NECAB1: variants seen among roughly 807,000 people sequenced by gnomAD.
NECAB1 encodes N-terminal EF-hand calcium binding protein 1, also known as N-terminal EF-hand calcium-binding protein 1.
Under a neutral mutation model 57.5 loss-of-function variants are expected in NECAB1, and 29 were observed. The observed-to-expected ratio is 0.50, with a 90% CI of 0.38 to 0.69. NECAB1 has a LOEUF of 0.69. Among genes scored for constraint, NECAB1 ranks in the 30% least tolerant of loss-of-function variants. NECAB1 has a pLI of 0.00. For synonymous variants in NECAB1, 142 were observed against 147.7 expected (o/e 0.96, Z 0.28); for missense variants, 372 against 413.8 (o/e 0.90, Z 0.88).
intron 3 of NECAB1, among the ~76,000 whole-genome samples, chr8:90,837,294 A>G (rs1490912808): frequency 1.3e-5 from 2 of 152,222 alleles, no homozygotes; most frequent in Non-Finnish European, 1.5e-5. Flanking sequence ...GTGGATGCTT[A>G]AAACTCCAGA....
chr8:90,943,450 T>C (rs1011231460), intron 10 of NECAB1, among the ~76,000 whole-genome samples: 1 of 152,214 alleles, frequency 6.6e-6, no homozygotes, highest in East Asian at 1.9e-4. Flanking sequence ...CCATATGGAA[T>C]ATATATGGTA....
chr8:90,796,754 G>C (rs1438887402), intron 1 of NECAB1, among the ~76,000 whole-genome samples: 3 of 152,138 alleles, frequency 2.0e-5, no homozygotes, highest in African/African-American at 7.2e-5. Flanking sequence ...TAATGAACTT[G>C]ATTCTCATCC....
chr8:90,947,228 A>G (rs748619001), intron 10 of NECAB1, among the ~76,000 whole-genome samples: 23 of 150,972 alleles, frequency 1.5e-4, no homozygotes, highest in Non-Finnish European at 2.7e-4. Flanking sequence ...CTTAGACACC[A>G]TTAAGGCTTA....
At chr8:90,807,840 A>G (rs1410736809) in intron 2 of NECAB1, among the ~76,000 whole-genome samples, 1 of 152,234 alleles carries the variant, frequency 6.6e-6, no homozygotes, top group African/African-American at 2.4e-5. Context: ...CGAAAGTCAA[A>G]GCAAAGTCTA....
At chr8:90,939,147 G>A (rs1261826002) in intron 9 of NECAB1, among the ~76,000 whole-genome samples, 1 of 152,202 alleles carries the variant, frequency 6.6e-6, no homozygotes, top group Non-Finnish European at 1.5e-5. Flanking sequence ...TTGACTAGCT[G>A]CAAAAGGAGC....
intron 4 of NECAB1, 84 bp downstream of exon 4, chr8:90,872,237 A>C: frequency 9.1e-7 from 1 of 1,104,520 alleles, no homozygotes; most frequent in Non-Finnish European, 1.3e-6. Context: ...CAACCTTGGA[A>C]TTAATGTTGT....
At chr8:90,949,500 T>C (rs895838350) in intron 10 of NECAB1, among the ~76,000 whole-genome samples, 4 of 152,172 alleles carry the variant, frequency 2.6e-5, no homozygotes, top group African/African-American at 9.7e-5. Context: ...TAAACCTTTT[T>C]GAATGAATGA....
chr8:90,823,300 T>A (rs1327644509), intron 2 of NECAB1, among the ~76,000 whole-genome samples: 1 of 151,902 alleles, frequency 6.6e-6, no homozygotes, highest in Non-Finnish European at 1.5e-5. Context: ...GAAAATTAGA[T>A]TATTGTGCCT....
chr8:90,838,382 G>A (rs980922041), intron 3 of NECAB1, among the ~76,000 whole-genome samples: 7 of 152,176 alleles, frequency 4.6e-5, no homozygotes, highest in African/African-American at 1.2e-4. Flanking sequence ...TGAAATAAGT[G>A]TGAGCTATAT....
chr8:90,832,374 C>T (rs1036973873), intron 3 of NECAB1, among the ~76,000 whole-genome samples: 1 of 151,940 alleles, frequency 6.6e-6, no homozygotes, highest in Non-Finnish European at 1.5e-5. Flanking sequence ...CCAAATTCTG[C>T]CTCATAATTA....
At chr8:90,810,217 A>G (rs1377066272) in intron 2 of NECAB1, among the ~76,000 whole-genome samples, 3 of 152,202 alleles carry the variant, frequency 2.0e-5, no homozygotes, top group African/African-American at 7.2e-5. Context: ...AGAATCCTAA[A>G]TGATTCAGTG....
At chr8:90,875,814 C>A (rs1250690865) in intron 4 of NECAB1, among the ~76,000 whole-genome samples, 2 of 144,136 alleles carry the variant, frequency 1.4e-5, no homozygotes, top group Non-Finnish European at 3.0e-5. Context: ...AGATCAAGAC[C>A]ACGGTGAAAC....
chr8:90,875,427 G>A (rs1330755674), intron 4 of NECAB1, among the ~76,000 whole-genome samples: 5 of 137,098 alleles, frequency 3.6e-5, no homozygotes, highest in African/African-American at 1.4e-4. Context: ...CTTGCAGTGA[G>A]CCGAGATTGC....
intron 2 of NECAB1, among the ~76,000 whole-genome samples, chr8:90,819,460 G>GACATA (rs1286010044): frequency 6.6e-6 from 1 of 151,896 alleles, no homozygotes; most frequent in Non-Finnish European, 1.5e-5. Flanking sequence ...TCACTAGGAT[G>GACATA]GGCTGTGTTT....
At chr8:90,816,189 T>C (rs749375399) in intron 2 of NECAB1, among the ~76,000 whole-genome samples, 1 of 151,902 alleles carries the variant, frequency 6.6e-6, no homozygotes, top group African/African-American at 2.4e-5. Context: ...CTTTTGCTGA[T>C]TTTTAGTTGG....
At chr8:90,857,790 A>T (rs1403129657) in intron 3 of NECAB1, among the ~76,000 whole-genome samples, 1 of 152,168 alleles carries the variant, frequency 6.6e-6, no homozygotes, top group Non-Finnish European at 1.5e-5. Context: ...TTTAAAGAGC[A>T]GGAGAATTTA....
intron 5 of NECAB1, among the ~76,000 whole-genome samples, chr8:90,884,277 G>A (rs919546802): frequency 6.6e-6 from 1 of 152,138 alleles, no homozygotes; most frequent in African/African-American, 2.4e-5. Context: ...CAGGATCTGT[G>A]TTGATTTTAG....
chr8:90,943,632 T>A (rs189239461), intron 10 of NECAB1, among the ~76,000 whole-genome samples: 55 of 152,324 alleles, frequency 3.6e-4, no homozygotes, highest in African/African-American at 1.2e-3. Context: ...TAAATCTCTG[T>A]GAATGTCAGA....
chr8:90,884,638 GTATTCAATCCT>G (rs1214550638), intron 5 of NECAB1, among the ~76,000 whole-genome samples: 4 of 152,110 alleles, frequency 2.6e-5, no homozygotes, highest in Non-Finnish European at 5.9e-5. Context: ...AATCCTTTAC[GTATTCAATCCT>G]TAAGTATTTA....
Sources: gnomAD v4.1 joint callset for allele counts (sites outside exome capture counted in the v4.1 genomes callset) on GRCh38, gnomAD v4.1.1 for gene constraint, MANE v1.5 for transcripts, NCBI Gene and HGNC (gene_info 2026-07-23, HGNC 2026-07-21) for gene names.